The following PRH1 variants were observed in gnomAD, a reference collection of about 807,000 sequenced individuals.
PRH1 encodes proline rich protein HaeIII subfamily 1, also known as salivary acidic proline-rich phosphoprotein 1/2.
A neutral mutation model predicts 7.9 loss-of-function variants in PRH1; 7 were observed. The ratio of observed to expected loss-of-function variants is 0.89; its 90% CI spans 0.50 to 1.67. The LOEUF (loss-of-function observed/expected upper bound fraction) is 1.67. PRH1 is among the 40% of genes most tolerant of loss of function. PRH1 has a pLI of 0.00. For missense variants in PRH1, 109 were observed against 223.6 expected, an observed-to-expected ratio of 0.49 and a Z score of 3.27; for synonymous variants, 45 against 80.8, an observed-to-expected ratio of 0.56 and a Z score of 2.38.
intron 1 of PRH1, among the ~76,000 whole-genome samples, chr12:10,995,100 C>G (rs781335282): frequency 6.6e-6 from 1 of 152,112 alleles, no homozygotes; most frequent in Non-Finnish European, 1.5e-5. Context: ...CAATCTGAAA[C>G]CAGAACAGAA....
chr12:10,883,633 G>C (rs1282669545), intron 1 of PRH1, among the ~76,000 whole-genome samples: 5 of 152,158 alleles, frequency 3.3e-5, no homozygotes, highest in Admixed American at 3.3e-4. Flanking sequence ...GCCATTCCCA[G>C]CACATTGAAA....
At chr12:11,048,876 A>T (rs971963633), upstream of PRH1, 9 of 279,670 alleles carry the variant, frequency 3.2e-5, no homozygotes, top group Non-Finnish European at 5.1e-5. Flanking sequence ...CCAAACCAAC[A>T]TTCTTAATCC....
At chr12:10,986,187 A>T in intron 1 of PRH1, 1 of 1,614,082 alleles carries the variant, frequency 6.2e-7, no homozygotes, top group Non-Finnish European at 8.5e-7. Context: ...CAAAGCTTTT[A>T]TGTGGACCTT....
intron 1 of PRH1, among the ~76,000 whole-genome samples, chr12:11,063,512 CA>C (rs1292217447): frequency 1.3e-5 from 2 of 151,982 alleles, no homozygotes; most frequent in Non-Finnish European, 2.9e-5. Flanking sequence ...GAATTTGGTC[CA>C]TTTCAAATAA....
At chr12:11,161,826 GA>G (rs1947425816) in intron 1 of PRH1, among the ~76,000 whole-genome samples, 1 of 152,146 alleles carries the variant, frequency 6.6e-6, no homozygotes, top group Non-Finnish European at 1.5e-5. Context: ...AGAGGCCTGG[GA>G]TAAGTAAGGG....
chr12:11,068,039 T>A (rs564127891), intron 1 of PRH1, among the ~76,000 whole-genome samples: 40 of 152,032 alleles, frequency 2.6e-4, no homozygotes, highest in African/African-American at 8.7e-4. Flanking sequence ...TTTTTTTTTT[T>A]ATTGGGGAGC....
At chr12:10,968,115 C>T (rs200305132) in intron 2 of PRH1, among the ~76,000 whole-genome samples, 1 of 151,796 alleles carries the variant, frequency 6.6e-6, no homozygotes, top group Non-Finnish European at 1.5e-5. Context: ...AAATAATAAA[C>T]AAAAATAATA....
chr12:11,091,676 A>G (rs1320186638), intron 1 of PRH1: 1 of 1,256,772 alleles, frequency 8.0e-7, no homozygotes, highest in Non-Finnish European at 1.1e-6. Context: ...GAAGGGTACT[A>G]AGTTTGCTAC....
chr12:11,088,150 G>A (rs1467304566), intron 1 of PRH1, among the ~76,000 whole-genome samples: 1 of 129,584 alleles, frequency 7.7e-6, no homozygotes, highest in African/African-American at 2.7e-5. Context: ...AGACCAGCCT[G>A]GGTAACACGG....
chr12:10,950,055 G>T (rs1044245023), intron 2 of PRH1, among the ~76,000 whole-genome samples: 8 of 151,710 alleles, frequency 5.3e-5, no homozygotes, highest in Non-Finnish European at 1.0e-4. Context: ...CATTTTCTTT[G>T]TTATATAAAT....
intron 1 of PRH1, among the ~76,000 whole-genome samples, chr12:11,132,168 C>T (rs187088010): frequency 2.0e-5 from 3 of 151,330 alleles, no homozygotes; most frequent in Admixed American, 2.0e-4. Context: ...TATAATAGAA[C>T]TTCCCATTAA....
At chr12:11,031,187 G>A in intron 1 of PRH1, 1 of 1,614,174 alleles carries the variant, frequency 6.2e-7, no homozygotes, top group Non-Finnish European at 8.5e-7. Context: ...GACCGCCAGA[G>A]CAGTGAGAAT....
At chr12:11,105,670 C>T (rs1945387809) in intron 1 of PRH1, among the ~76,000 whole-genome samples, 1 of 152,164 alleles carries the variant, frequency 6.6e-6, no homozygotes, top group Non-Finnish European at 1.5e-5. Flanking sequence ...TGTTTAACCT[C>T]TCCACAATTT....
At chr12:10,893,608 G>A (rs577620426) in intron 2 of PRH1, among the ~76,000 whole-genome samples, 41 of 152,194 alleles carry the variant, frequency 2.7e-4, no homozygotes, top group Non-Finnish European at 4.7e-4. Context: ...TGGAAATCTC[G>A]TGGTCTATTC....
At chr12:11,068,527 C>G (rs1459154446) in intron 1 of PRH1, among the ~76,000 whole-genome samples, 1 of 152,096 alleles carries the variant, frequency 6.6e-6, no homozygotes, top group African/African-American at 2.4e-5. Flanking sequence ...ATTTGGAGGT[C>G]TGAAAGACAT....
At position 11,100,908 on chromosome 12, in the gene PRH1, T is replaced by G. The variant is rs139489349; in HGVS notation, n.124-53720A>C. On this transcript the variant is annotated intron_variant and non_coding_transcript_variant, in intron 1 of 4. Transcript: ENST00000541977. Reference sequence around the variant, plus strand: ...AACACACTGGTGTACACAGGAATAGTATAGTGAAATTAGAATGCTAACAAT... The same window carrying G: ...AACACACTGGTGTACACAGGAATAGGATAGTGAAATTAGAATGCTAACAAT... Among the ~76,000 whole-genome samples, 445 of 152,286 alleles carry G rather than the reference T, an allele frequency of 2.9e-3. 3 individuals are homozygous for G. The highest frequency in any genetic ancestry group is 0.01 in the African/African-American group (426 of 41,566).
chr12:11,105,309 C>T (rs1263451728), intron 1 of PRH1, among the ~76,000 whole-genome samples: 2 of 152,044 alleles, frequency 1.3e-5, no homozygotes, highest in Non-Finnish European at 2.9e-5. Context: ...TTTATCATGT[C>T]TGAATTTTTT....
upstream of PRH1, among the ~76,000 whole-genome samples, chr12:10,887,614 C>A (rs371674154): frequency 6.6e-6 from 1 of 151,074 alleles, no homozygotes; most frequent in African/African-American, 2.4e-5. Flanking sequence ...TTCCACCTCC[C>A]GGGTTCAAGC....
chr12:10,927,288 T>C (rs1364319584), intron 2 of PRH1, among the ~76,000 whole-genome samples: 2 of 152,160 alleles, frequency 1.3e-5, no homozygotes, highest in African/African-American at 4.8e-5. Context: ...TCTCTGGCCT[T>C]CCTTTTTGAC....
Sources: allele counts gnomAD v4.1 joint callset (sites outside exome capture counted in the v4.1 genomes callset), GRCh38; gene constraint gnomAD v4.1.1; transcripts MANE v1.5; gene names NCBI Gene and HGNC (gene_info 2026-07-23, HGNC 2026-07-21).